The following CNTNAP3B variants were observed in gnomAD, a reference collection of about 807,000 sequenced individuals.
CNTNAP3B encodes the protein contactin-associated protein-like 3B.
CNTNAP3B carries 25 observed loss-of-function variants against 108.9 expected under a neutral mutation model. The ratio of observed to expected loss-of-function variants is 0.23; its 90% confidence interval spans 0.17 to 0.32. The LOEUF is 0.32. Ranked by LOEUF, CNTNAP3B falls within the 10% of genes least tolerant of loss-of-function variation. The pLI, the probability that CNTNAP3B is intolerant of heterozygous loss-of-function variation, is 1.00. For synonymous variants in CNTNAP3B, 103 were observed against 473.4 expected (o/e 0.22, Z 10.16); for missense variants, 252 against 1,210.4 (o/e 0.21, Z 11.75).
At chr9:42,044,535 A>T (rs1826827786) in intron 3 of CNTNAP3B, among the ~76,000 whole-genome samples, 1 of 104,314 alleles carries the variant, frequency 9.6e-6, no homozygotes, top group South Asian at 2.8e-4. Context: ...ATGTTTATTA[A>T]ACCAGAACAC....
chr9:41,935,771 T>C (rs1160304124), intron 14 of CNTNAP3B, among the ~76,000 whole-genome samples: 3,078 of 151,104 alleles, frequency 0.02, 15 homozygotes, highest in African/African-American at 0.072. Context: ...TGCTCCCTTC[T>C]GAATGTAGGA....
rs1281741123 is a variant in CNTNAP3B at position 41,979,667 on chromosome 9, AT to A, written c.1477+6500del. 32 of 31,386 alleles carry A rather than the reference AT, an allele frequency of 1.0e-3. 9 individuals carry two copies. The highest frequency in any genetic ancestry group is 2.3e-3 in the African/African-American group (28 of 12,090). 1.9% of individuals were successfully genotyped at this position (31,386 alleles called of 1,614,324 possible). A position where few individuals can be genotyped will look rare whatever the true frequency, so the allele number is the denominator to read the frequency against. ...TAAAAAATATTTTATATATATATAT[AT>A]TTTTTTTTTCAAGTGATTATCCTGC... On this transcript the variant is annotated intron_variant, in intron 9 of 23. Transcript: ENST00000377561.
At chr9:41,950,233 G>A (rs1824634807) in intron 13 of CNTNAP3B, among the ~76,000 whole-genome samples, 1 of 46,342 alleles carries the variant, frequency 2.2e-5, no homozygotes, top group African/African-American at 7.6e-5. Flanking sequence ...ATAAAAAATA[G>A]TCACAACACC....
chr9:42,060,133 C>A (rs1827149653), intron 3 of CNTNAP3B, among the ~76,000 whole-genome samples: 1 of 140,958 alleles, frequency 7.1e-6, no homozygotes, highest in Non-Finnish European at 1.5e-5. Flanking sequence ...AACTTTTCAC[C>A]ACTGAATAGG....
At chr9:41,945,510 G>A (rs1453761474) in intron 13 of CNTNAP3B, among the ~76,000 whole-genome samples, 55 of 152,136 alleles carry the variant, frequency 3.6e-4, no homozygotes, top group East Asian at 2.9e-3. Context: ...GCAAACTATC[G>A]CAAGGACAAA....
chr9:41,936,924 G>A (rs1824174157), intron 14 of CNTNAP3B, among the ~76,000 whole-genome samples: 1 of 152,308 alleles, frequency 6.6e-6, no homozygotes, highest in South Asian at 2.1e-4. Context: ...ATTCAAGTGA[G>A]TTTTCCCAAC....
intron 1 of CNTNAP3B, among the ~76,000 whole-genome samples, chr9:42,113,563 T>C (rs931563891): frequency 5.0e-5 from 7 of 139,556 alleles, no homozygotes; most frequent in Non-Finnish European, 7.7e-5. Flanking sequence ...GTGCATATAA[T>C]TTAAAAAGAA....
At chr9:41,969,542 G>A (rs1454020078) in intron 10 of CNTNAP3B, among the ~76,000 whole-genome samples, 1 of 150,484 alleles carries the variant, frequency 6.6e-6, no homozygotes, top group Non-Finnish European at 1.5e-5. Context: ...ATCATATTAA[G>A]GTAAAATTCA....
chr9:42,091,188 T>G (rs910765045), intron 2 of CNTNAP3B, among the ~76,000 whole-genome samples: 7 of 17,966 alleles, frequency 3.9e-4, no homozygotes, highest in African/African-American at 1.0e-3. Flanking sequence ...AGTAAGAGAG[T>G]TGTTTGGATA....
In CNTNAP3B at chr9:41,975,156, C is replaced by T. The variant is rs1393041945; in HGVS notation, c.1478-4911G>A. 17 of 192,184 alleles carry T rather than the reference C, an allele frequency of 8.8e-5. 1 individual carries two copies. Among genetic ancestry groups the T allele is most frequent in the Non-Finnish European group, 1.5e-4 (15 of 99,224 alleles). The allele number at this position is 192,184 out of a possible 1,614,324, so 11.9% of individuals were successfully genotyped here. ...CCTGCAGGGGCTTCGAGACGCCTTT[C>T]CGGTGGGGAAGACTAGCAAATCAGG... is the stretch of plus-strand genomic sequence containing the variant. On this transcript the variant is annotated intron_variant, in intron 9 of 23. Transcript: ENST00000377561.
chr9:41,958,075 T>C (rs562280622), intron 12 of CNTNAP3B, among the ~76,000 whole-genome samples: 1 of 152,400 alleles, frequency 6.6e-6, no homozygotes, highest in South Asian at 2.1e-4. Context: ...GCTTGCTCTG[T>C]CTCTTCAAAG....
intron 15 of CNTNAP3B, among the ~76,000 whole-genome samples, chr9:41,928,354 G>T (rs1823876663): frequency 6.6e-6 from 1 of 152,028 alleles, no homozygotes; most frequent in African/African-American, 2.4e-5. Flanking sequence ...ACACACAGTG[G>T]GTAGGTTTGC....
At chr9:41,952,464 G>T (rs1290996784) in intron 13 of CNTNAP3B, among the ~76,000 whole-genome samples, 4 of 152,236 alleles carry the variant, frequency 2.6e-5, no homozygotes, top group Admixed American at 2.6e-4. Context: ...GCAATAAAGT[G>T]CTTTCAAGAA....
chr9:42,024,683 A>G (rs866269744), intron 3 of CNTNAP3B, among the ~76,000 whole-genome samples: 4,516 of 115,264 alleles, frequency 0.039, 5 homozygotes, highest in East Asian at 0.052. Context: ...AAAAAAAAAA[A>G]AGAAAAAAAA....
At chr9:42,095,998 C>T (rs931884428) in intron 2 of CNTNAP3B, among the ~76,000 whole-genome samples, 2 of 138,670 alleles carry the variant, frequency 1.4e-5, no homozygotes, top group South Asian at 2.3e-4. Flanking sequence ...CCTTTCTCCT[C>T]CCTCTGCCAG....
At chr9:41,967,710 A>G (rs1358514762) in intron 10 of CNTNAP3B, among the ~76,000 whole-genome samples, 5 of 152,288 alleles carry the variant, frequency 3.3e-5, no homozygotes, top group Non-Finnish European at 2.9e-5. Context: ...GTGTCCCCAA[A>G]GTTTTCTAAT....
At chr9:42,110,852 T>C (rs1828180388) in intron 1 of CNTNAP3B, among the ~76,000 whole-genome samples, 1 of 140,024 alleles carries the variant, frequency 7.1e-6, no homozygotes, top group Non-Finnish European at 1.5e-5. Flanking sequence ...AAGTTCATCT[T>C]ATTATGAATC....
At chr9:41,941,751 A>G (rs1338454579) in intron 13 of CNTNAP3B, among the ~76,000 whole-genome samples, 1 of 148,422 alleles carries the variant, frequency 6.7e-6, no homozygotes, top group Admixed American at 6.7e-5. Flanking sequence ...TGGTAAAAGC[A>G]CTTAAAATGT....
chr9:41,941,055 A>G lies in CNTNAP3B; in HGVS notation c.2081-2655T>C, dbSNP rs1180995932. Reference sequence around the variant, plus strand: ...ATTGACACAAAAACTGTAATACCATATGATACTCAAGACAATGATATTTAG... The same window carrying G: ...ATTGACACAAAAACTGTAATACCATGTGATACTCAAGACAATGATATTTAG... On this transcript the variant is annotated intron_variant, in intron 13 of 23. Transcript: ENST00000377561. Among the ~76,000 whole-genome samples the G allele has an allele frequency of 2.1e-4, 31 of 149,978 alleles. No individual in the cohort carries two copies. The South Asian group carries it at 3.4e-3, about 16-fold the overall frequency.
Sources: allele counts gnomAD v4.1 joint callset (sites outside exome capture counted in the v4.1 genomes callset), GRCh38; gene constraint gnomAD v4.1.1; transcripts MANE v1.5; gene names NCBI Gene and HGNC (gene_info 2026-07-23, HGNC 2026-07-21).